The following NIM1K variants were observed in gnomAD, a reference collection of about 807,000 sequenced individuals.
The protein encoded by NIM1K is serine/threonine-protein kinase NIM1.
NIM1K carries 35 observed loss-of-function variants against 37.1 expected under a neutral mutation model. That is an observed-to-expected ratio of 0.94 (90% CI 0.72 to 1.25). The LOEUF is 1.25. Ranked by LOEUF, NIM1K falls within the 50% of genes most tolerant of loss-of-function variation. The pLI is 0.00. For missense variants in NIM1K, 564 were observed against 548.0 expected, an observed-to-expected ratio of 1.03 and a Z score of -0.29; for synonymous variants, 234 against 206.6, an observed-to-expected ratio of 1.13 and a Z score of -1.14.
intron 1 of NIM1K, among the ~76,000 whole-genome samples, chr5:43,197,405 A>C (rs1380098149): frequency 2.0e-5 from 3 of 152,254 alleles, no homozygotes; most frequent in East Asian, 3.9e-4. Flanking sequence ...TTGGCCTCCC[A>C]AAGTGCTGGG....
chr5:43,212,950 G>A (rs1160098230), intron 1 of NIM1K, among the ~76,000 whole-genome samples: 1 of 152,038 alleles, frequency 6.6e-6, no homozygotes, highest in South Asian at 2.1e-4. Context: ...CTCTGTGTTC[G>A]CCCAGGTGCA....
At chr5:43,204,081 GTTTTTTTTTT>G (rs70994605) in intron 1 of NIM1K, among the ~76,000 whole-genome samples, 62 of 85,372 alleles carry the variant, frequency 7.3e-4, no homozygotes, top group Non-Finnish European at 1.0e-3. Flanking sequence ...AGTTCCAATG[GTTTTTTTTTT>G]TTTTTTTTTT....
At chr5:43,198,234 TTTCTTTCTTTCTTTTCTTTCTTTCC>T (rs1751961955) in intron 1 of NIM1K, among the ~76,000 whole-genome samples, 2 of 128,010 alleles carry the variant, frequency 1.6e-5, no homozygotes, top group African/African-American at 2.9e-5. Flanking sequence ...TCTTTCTTTC[TTTCTTTCTTTCTTTTCTTTCTTTCC>T]TTTCTTTCTT....
intron 1 of NIM1K, among the ~76,000 whole-genome samples, chr5:43,235,915 C>G (rs1211841901): frequency 6.6e-6 from 1 of 151,724 alleles, no homozygotes; most frequent in Non-Finnish European, 1.5e-5. Context: ...ACCTGGAGGC[C>G]AAATCCAGCC....
Position 43,280,643 on chromosome 5 carries a change from C to T in NIM1K, c.1225C>T (p.Pro409Ser). Reference protein sequence around the residue: ...ALESVPVMMLPDPKERDLKKG... With the variant: ...ALESVPVMMLSDPKERDLKKG... ...GGAAAGTGTCCCAGTCATGATGCTA[C>T]CAGACCCTAAAGAAAGAGACCTCAA... Residue 409 changes from proline to serine, a missense_variant, in exon 4 of 4, where the codon CCA becomes TCA. Physicochemically the swap from Pro to Ser is moderately conservative, Grantham distance 74. Coordinates refer to ENST00000326035, the MANE Select transcript of NIM1K (RefSeq NM_153361.4). 6.2e-7 allele frequency: 1 copy of T among 1,614,010 alleles called. No homozygotes were observed. Among genetic ancestry groups the T allele is most frequent in the Middle Eastern group, 1.6e-4 (1 of 6,062 alleles).
intron 1 of NIM1K, among the ~76,000 whole-genome samples, chr5:43,242,103 C>T (rs972532281): frequency 3.3e-5 from 5 of 151,966 alleles, no homozygotes; most frequent in African/African-American, 7.3e-5. Flanking sequence ...TAAGGCAAGA[C>T]AATTGGTTCA....
intron 1 of NIM1K, among the ~76,000 whole-genome samples, chr5:43,216,130 C>T (rs1307246760): frequency 2.6e-5 from 4 of 151,942 alleles, no homozygotes; most frequent in Non-Finnish European, 2.9e-5. Flanking sequence ...CCCTTTATTG[C>T]CATTTTATTT....
intron 1 of NIM1K, among the ~76,000 whole-genome samples, chr5:43,203,017 T>G (rs1752056368): frequency 6.6e-6 from 1 of 152,114 alleles, no homozygotes. Context: ...AGCTCCAGCC[T>G]TTCGATGACT....
chr5:43,268,588 A>T (rs1455277468), intron 2 of NIM1K, among the ~76,000 whole-genome samples: 1 of 152,152 alleles, frequency 6.6e-6, no homozygotes, highest in African/African-American at 2.4e-5. Flanking sequence ...CAAAAGGCTA[A>T]TCTTAGGTTC....
chr5:43,273,417 AC>A (rs1220798074), intron 2 of NIM1K, among the ~76,000 whole-genome samples: 1 of 151,732 alleles, frequency 6.6e-6, no homozygotes, highest in Non-Finnish European at 1.5e-5. Context: ...CACCATCTTG[AC>A]CAGGCTGGTC....
rs1752903352 is a variant in NIM1K at position 43,253,823 on chromosome 5, C to T, written c.292+7756C>T. Among the ~76,000 whole-genome samples, 3 of 152,134 alleles carry T rather than the reference C, an allele frequency of 2.0e-5. No homozygotes were observed. In the South Asian group the frequency reaches 6.2e-4, roughly 32 times the overall value. On this transcript the variant is annotated intron_variant, in intron 2 of 3. Coordinates refer to ENST00000326035, the MANE Select transcript of NIM1K (RefSeq NM_153361.4). ...TACAGGCACACGCCACCATGCTCGG[C>T]AATTTTTTTTTGTATCTTTAGTAGA...
chr5:43,242,614 T>A (rs1298255311), intron 1 of NIM1K, among the ~76,000 whole-genome samples: 1 of 151,910 alleles, frequency 6.6e-6, no homozygotes, highest in East Asian at 1.9e-4. Flanking sequence ...TAAACTGAGA[T>A]AGTTAAATTC....
In NIM1K at chr5:43,245,901, C is replaced by A. The variant is rs1752772129; in HGVS notation, c.126C>A (p.Pro42=). Residue 42 remains proline, a synonymous_variant, in exon 2 of 4, where the codon CCC becomes CCA. Transcript: ENST00000326035. ...ESSKEGEEGQ[P]RQLTPFEKLT... is the part of the protein sequence containing the mutation. ...GCAAGGAGGGTGAGGAGGGACAGCC[C>A]CGCCAGCTGACGCCCTTCGAGAAAC... is the stretch of plus-strand genomic sequence containing the variant. 1 of 1,613,974 alleles carries A rather than the reference C, an allele frequency of 6.2e-7. No homozygotes were observed. Among genetic ancestry groups the A allele is most frequent in the Admixed American group, 1.7e-5 (1 of 60,002 alleles).
intron 1 of NIM1K, among the ~76,000 whole-genome samples, chr5:43,218,666 A>G (rs1012118679): frequency 6.6e-6 from 1 of 152,216 alleles, no homozygotes; most frequent in East Asian, 1.9e-4. Flanking sequence ...CCATGATCCA[A>G]ACATCTCTCA....
At chr5:43,224,757 C>T (rs984293094) in intron 1 of NIM1K, among the ~76,000 whole-genome samples, 9 of 146,850 alleles carry the variant, frequency 6.1e-5, no homozygotes, top group Non-Finnish European at 8.9e-5. Context: ...GGGGCAGTGG[C>T]GCGATCTCGG....
At chr5:43,229,825 TG>T (rs142465884) in intron 1 of NIM1K, among the ~76,000 whole-genome samples, 5,255 of 152,000 alleles carry the variant, frequency 0.035, 329 homozygotes, top group African/African-American at 0.12. Context: ...TTAGTAGAGA[TG>T]GGGTTTCACT....
At chr5:43,196,122 C>A (rs1390986206) in intron 1 of NIM1K, among the ~76,000 whole-genome samples, 1 of 152,094 alleles carries the variant, frequency 6.6e-6, no homozygotes, top group African/African-American at 2.4e-5. Context: ...CTTTTCGGGT[C>A]TCCTGAACTA....
intron 1 of NIM1K, among the ~76,000 whole-genome samples, chr5:43,203,847 G>GA (rs1297642756): frequency 6.6e-6 from 1 of 151,634 alleles, no homozygotes; most frequent in African/African-American, 2.4e-5. Flanking sequence ...CCAACATGGT[G>GA]AAACCCCGTC....
intron 1 of NIM1K, chr5:43,231,941 C>T: frequency 2.1e-6 from 2 of 947,522 alleles, no homozygotes; most frequent in African/African-American, 1.6e-5. Context: ...TTCTCTCACC[C>T]ACGTACCAGT....
Sources: allele counts gnomAD v4.1 joint callset (sites outside exome capture counted in the v4.1 genomes callset), GRCh38; gene constraint gnomAD v4.1.1; transcripts MANE v1.5; gene names NCBI Gene and HGNC (gene_info 2026-07-23, HGNC 2026-07-21).